SLC22A23: variants seen among roughly 807,000 people sequenced by gnomAD.
The protein encoded by SLC22A23 is solute carrier family 22 member 23.
SLC22A23 carries 26 observed loss-of-function variants against 61.0 expected under a neutral mutation model. The observed-to-expected ratio is 0.43, with a 90% CI of 0.31 to 0.59. SLC22A23 has a LOEUF of 0.59. Among genes scored for constraint, SLC22A23 ranks in the 20% least tolerant of loss-of-function variants. SLC22A23 has a pLI of 0.11. For synonymous variants in SLC22A23, 430 were observed against 413.9 expected (o/e 1.04, Z -0.47); for missense variants, 796 against 934.7 (o/e 0.85, Z 1.94).
At chr6:3,275,180 A>C (rs532662207) in intron 9 of SLC22A23, among the ~76,000 whole-genome samples, 1 of 152,366 alleles carries the variant, frequency 6.6e-6, no homozygotes, top group African/African-American at 2.4e-5. Context: ...ATTTATGGTC[A>C]ACTGACTGTA....
intron 4 of SLC22A23, among the ~76,000 whole-genome samples, chr6:3,306,724 C>T (rs917273542): frequency 2.0e-5 from 3 of 152,156 alleles, no homozygotes; most frequent in Non-Finnish European, 2.9e-5. Flanking sequence ...TCCACTCACC[C>T]TCCAAGACCT....
intron 5 of SLC22A23, chr6:3,290,114 A>T (rs1236782090): frequency 3.6e-6 from 2 of 553,662 alleles, no homozygotes; most frequent in Non-Finnish European, 6.5e-6. Context: ...CACCGTCAGC[A>T]GAAGTTTCCA....
intron 9 of SLC22A23, among the ~76,000 whole-genome samples, chr6:3,280,037 T>C (rs1759293753): frequency 6.6e-6 from 1 of 152,218 alleles, no homozygotes; most frequent in Admixed American, 6.5e-5. Flanking sequence ...AGCTCCTCTT[T>C]TATATTACTT....
At chr6:3,366,332 CAAAAAAAAAAAAA>C (rs11387672) in intron 3 of SLC22A23, among the ~76,000 whole-genome samples, 1 of 74,164 alleles carries the variant, frequency 1.3e-5, no homozygotes, top group Non-Finnish European at 2.3e-5. Context: ...GACTCTGTCT[CAAAAAAAAAAAAA>C]AAAAAAAAAA....
chr6:3,375,965 C>T (rs1766533976), intron 3 of SLC22A23, among the ~76,000 whole-genome samples: 1 of 152,160 alleles, frequency 6.6e-6, no homozygotes, highest in Non-Finnish European at 1.5e-5. Flanking sequence ...TCATTTGGTG[C>T]CATGTGTATT....
intron 3 of SLC22A23, among the ~76,000 whole-genome samples, chr6:3,388,258 T>C (rs1261759612): frequency 1.3e-5 from 2 of 152,166 alleles, no homozygotes; most frequent in South Asian, 2.1e-4. Context: ...AGAGCTCACA[T>C]ACTTCCTCAT....
intron 9 of SLC22A23, chr6:3,276,988 G>A (rs1758968969): frequency 6.6e-6 from 1 of 152,210 alleles, no homozygotes; most frequent in African/African-American, 2.4e-5. Context: ...TATAAAACAG[G>A]GATGAGAAAA....
At chr6:3,326,457 C>G (rs573828359) in intron 3 of SLC22A23, among the ~76,000 whole-genome samples, 9 of 152,046 alleles carry the variant, frequency 5.9e-5, no homozygotes, top group Non-Finnish European at 1.3e-4. Context: ...CCAGACAACT[C>G]CTTGAGAAGC....
At chr6:3,275,644 A>G (rs1356583856) in intron 9 of SLC22A23, among the ~76,000 whole-genome samples, 2 of 152,174 alleles carry the variant, frequency 1.3e-5, no homozygotes, top group Non-Finnish European at 1.5e-5. Flanking sequence ...GTGTAGTGGC[A>G]TGATCTCGGC....
intron 1 of SLC22A23, among the ~76,000 whole-genome samples, chr6:3,420,244 A>C (rs907797546): frequency 3.9e-5 from 6 of 152,046 alleles, no homozygotes; most frequent in African/African-American, 7.2e-5. Context: ...AAAAAAAAAA[A>C]AAAACCAAAA....
chr6:3,401,008 C>G (rs1247684214), intron 3 of SLC22A23, among the ~76,000 whole-genome samples: 4 of 152,190 alleles, frequency 2.6e-5, no homozygotes, highest in Non-Finnish European at 4.4e-5. Flanking sequence ...TTGTCTTGCA[C>G]AACAATGGAA....
intron 3 of SLC22A23, among the ~76,000 whole-genome samples, chr6:3,340,308 T>A (rs1444344305): frequency 1.3e-5 from 2 of 152,072 alleles, no homozygotes; most frequent in Non-Finnish European, 2.9e-5. Context: ...TCAAAGAAAG[T>A]GATGATATAA....
intron 1 of SLC22A23, among the ~76,000 whole-genome samples, chr6:3,433,667 C>T (rs755467828): frequency 6.6e-6 from 1 of 152,144 alleles, no homozygotes; most frequent in Non-Finnish European, 1.5e-5. Flanking sequence ...GCGTCCATCA[C>T]CAATGGAGAG....
intron 2 of SLC22A23, among the ~76,000 whole-genome samples, chr6:3,412,807 A>C (rs1686350265): frequency 1.3e-5 from 2 of 152,176 alleles, no homozygotes; most frequent in Admixed American, 6.5e-5. Context: ...TGGTGTGAGA[A>C]GGACTTGACT....
At chr6:3,391,530 A>G (rs1767661004) in intron 3 of SLC22A23, among the ~76,000 whole-genome samples, 1 of 152,236 alleles carries the variant, frequency 6.6e-6, no homozygotes, top group African/African-American at 2.4e-5. Context: ...GAATTCATTC[A>G]TTCATCATGT....
chr6:3,311,649 A>G (rs1762372725), intron 4 of SLC22A23: 1 of 152,166 alleles, frequency 6.6e-6, no homozygotes, highest in African/African-American at 2.4e-5. Flanking sequence ...GGATGGTTAG[A>G]CCCCAAGGTT....
intron 1 of SLC22A23, among the ~76,000 whole-genome samples, chr6:3,451,908 G>C (rs537259329): frequency 6.6e-5 from 10 of 152,160 alleles, no homozygotes; most frequent in African/African-American, 2.4e-4. Flanking sequence ...ATCGATAAGG[G>C]CTGCTTTATT....
At chr6:3,277,150 T>A (rs1758986607) in intron 9 of SLC22A23, among the ~76,000 whole-genome samples, 1 of 152,100 alleles carries the variant, frequency 6.6e-6, no homozygotes, top group Non-Finnish European at 1.5e-5. Flanking sequence ...CAGCTGGGTG[T>A]AGGAGGAACC....
At chr6:3,280,652 C>A (rs112606997) in intron 9 of SLC22A23, among the ~76,000 whole-genome samples, 3 of 152,020 alleles carry the variant, frequency 2.0e-5, no homozygotes, top group African/African-American at 4.8e-5. Context: ...CCCGCCACCA[C>A]GCCCGGCTAA....
Sources: allele counts gnomAD v4.1 joint callset (sites outside exome capture counted in the v4.1 genomes callset), GRCh38; gene constraint gnomAD v4.1.1; transcripts MANE v1.5; gene names NCBI Gene and HGNC (gene_info 2026-07-23, HGNC 2026-07-21).